SPTB: variants seen among roughly 807,000 people sequenced by gnomAD.
The protein encoded by SPTB is spectrin beta chain, erythrocytic.
Under a neutral mutation model 256.2 loss-of-function variants are expected in SPTB, and 45 were observed. The ratio of observed to expected loss-of-function variants is 0.18; its 90% confidence interval spans 0.14 to 0.23. SPTB has a LOEUF of 0.23. Among genes scored for constraint, SPTB ranks in the 10% least tolerant of loss-of-function variants. The probability of loss-of-function intolerance (pLI) is 1.00; values close to 1 mark genes in which losing one functional copy is unlikely to be tolerated. For missense variants in SPTB, 2,715 were observed against 3,040.4 expected (o/e 0.89, Z 2.52); for synonymous variants, 1,231 against 1,243.1 (o/e 0.99, Z 0.21).
chr14:64,776,629 A>G (rs1038788477), intron 22 of SPTB, among the ~76,000 whole-genome samples: 2 of 152,088 alleles, frequency 1.3e-5, no homozygotes, highest in African/African-American at 4.8e-5. Flanking sequence ...TTTTGTAGAG[A>G]TGGGCTTTTG....
At chr14:64,800,643 G>A (rs1236364305) in intron 8 of SPTB, 113 bp downstream of exon 8, 1 of 898,716 alleles carries the variant, frequency 1.1e-6, no homozygotes, top group East Asian at 2.6e-5. Flanking sequence ...AGAGGAAGTT[G>A]GGGGGTGGGT....
At chr14:64,865,745 G>A (rs1882144824) in intron 1 of SPTB, among the ~76,000 whole-genome samples, 1 of 152,196 alleles carries the variant, frequency 6.6e-6, no homozygotes, top group African/African-American at 2.4e-5. Context: ...AAATGACCCA[G>A]TTTGCCCTCA....
At chr14:64,822,367 C>CTGAGG (rs2083304861) in intron 2 of SPTB, among the ~76,000 whole-genome samples, 2 of 127,552 alleles carry the variant, frequency 1.6e-5, no homozygotes, top group Non-Finnish European at 3.5e-5. Flanking sequence ...CTCTCTCTCT[C>CTGAGG]TCTCTCTCAC....
At chr14:64,868,209 G>T (rs947505271) in intron 1 of SPTB, among the ~76,000 whole-genome samples, 1 of 152,044 alleles carries the variant, frequency 6.6e-6, no homozygotes, top group African/African-American at 2.4e-5. Context: ...AAGGCCTAAA[G>T]GCCAATTATT....
Position 64,787,079 on chromosome 14 carries a change from A to T in SPTB, c.2886T>A (p.Asp962Glu). The T allele has an allele frequency of 6.2e-7, 1 of 1,613,172 alleles. No individual in the cohort carries two copies. Among genetic ancestry groups the T allele is most frequent in the Non-Finnish European group, 8.5e-7 (1 of 1,179,992 alleles). ...SALRVHNYCV[D>E]CEETSKWITD... ...TGATCCACTTGCTGGTCTCCTCGCA[A>T]TCTACGCAGTAGTTGTGCACTCGGA... Residue 962 changes from aspartate to glutamate, a missense_variant, in exon 16 of 36, where the codon GAT (aspartate) becomes GAA (glutamate). Coordinates refer to ENST00000644917, the MANE Select transcript of SPTB (RefSeq NM_001355436.2).
chr14:64,810,509 G>A (rs891963035), intron 2 of SPTB, among the ~76,000 whole-genome samples: 11 of 152,072 alleles, frequency 7.2e-5, no homozygotes, highest in Admixed American at 3.3e-4. Flanking sequence ...ATGAAACGCC[G>A]TCTCTACTAA....
In SPTB at chr14:64,775,731, TGCTTCAGCAGAG is replaced by T. The variant is rs1269297587; in HGVS notation, c.4564-340_4564-329del. On this transcript the variant is annotated intron_variant, in intron 22 of 35. Coordinates refer to ENST00000644917, the MANE Select transcript of SPTB (RefSeq NM_001355436.2). This position sits in a 1 kb window ranked among gnomAD's most constrained non-coding sequence, Gnocchi z 5.0. ...CTCTTGACTGTCCCCTATCTTCCTG[TGCTTCAGCAGAG>T]CTTGATTCCTTAGGTGTATGTGTTG... Among the ~76,000 whole-genome samples the T allele has an allele frequency of 7.9e-5, 12 of 152,358 alleles. No homozygotes were observed. In the South Asian group the frequency reaches 2.3e-3, roughly 29 times the overall value.
chr14:64,859,694 GTCTCTCTCTC>G (rs139838497), intron 1 of SPTB, among the ~76,000 whole-genome samples: 6,407 of 52,874 alleles, frequency 0.12, 387 homozygotes, highest in African/African-American at 0.28. Context: ...CTCTCTCTCT[GTCTCTCTCTC>G]TCTCTCTCTC....
At chr14:64,846,240 A>G (rs1219978441) in intron 1 of SPTB, among the ~76,000 whole-genome samples, 2 of 152,228 alleles carry the variant, frequency 1.3e-5, no homozygotes, top group Non-Finnish European at 2.9e-5. Context: ...CCAGAAGTAG[A>G]GTGGACTCAT....
Position 64,749,545 on chromosome 14 carries a change from T to C in SPTB, c.6820-72A>G. 1 of 1,601,044 alleles carries C rather than the reference T, an allele frequency of 6.2e-7. No individual in the cohort carries two copies. The highest frequency in any genetic ancestry group is 1.1e-5 in the South Asian group (1 of 90,746). On this transcript the variant is annotated intron_variant, in intron 35 of 35. Coordinates refer to ENST00000644917, the MANE Select transcript of SPTB (RefSeq NM_001355436.2). The surrounding 1 kb of genome is among the most constrained non-coding windows in gnomAD (Gnocchi z 4.7). Reference sequence around the variant, plus strand: ...CACCTCCCGGGCCAGGCAACAATGGTGGGGGCTCTTGGGACTGCCCCTTCT... The same window carrying C: ...CACCTCCCGGGCCAGGCAACAATGGCGGGGGCTCTTGGGACTGCCCCTTCT...
In SPTB at chr14:64,826,126, C is replaced by A. The variant is rs1320645587; in HGVS notation, c.-51-2981G>T. On this transcript the variant is annotated intron_variant, in intron 1 of 35. Transcript: ENST00000644917. This position sits in a 1 kb window ranked among gnomAD's most constrained non-coding sequence, Gnocchi z 4.4. ...AGGCCCTGCCCAGATGGCATTCCATCAGAGTCAAGGGGGTCATGGGATGGG... is the reference window on the plus strand; with the variant it reads ...AGGCCCTGCCCAGATGGCATTCCATAAGAGTCAAGGGGGTCATGGGATGGG... Among the ~76,000 whole-genome samples, 1 of 152,238 alleles carries A rather than the reference C, an allele frequency of 6.6e-6. No homozygotes were observed. Among genetic ancestry groups the A allele is most frequent in the Non-Finnish European group, 1.5e-5 (1 of 68,042 alleles).
At chr14:64,751,927 C>CAAAAAAAAAAAAAAAAAAAAAAAAAAA (rs374561563) in intron 33 of SPTB, among the ~76,000 whole-genome samples, 3 of 71,950 alleles carry the variant, frequency 4.2e-5, no homozygotes, top group African/African-American at 1.1e-4. Context: ...ACTAAAAATG[C>CAAAAAAAAAAAAAAAAAAAAAAAAAAA]AAAAAAAAAA....
rs1320581693 is a variant in SPTB, at chr14:64,748,881, A to AGACTT, written c.*420_*424dup. On this transcript the variant is annotated 3_prime_UTR_variant, in exon 36 of 36. Coordinates refer to ENST00000644917, the MANE Select transcript of SPTB (RefSeq NM_001355436.2). ...ACCAGGTGGGAGGTGACCCGAAGCA[A>AGACTT]GACTTGCTTTAGGAACGGGCAGCGT... The AGACTT allele has an allele frequency of 1.2e-5, 2 of 171,834 alleles. No homozygotes were observed. The highest frequency in any genetic ancestry group is 1.8e-4 in the East Asian group (1 of 5,526). The allele number at this position is 171,834 out of a possible 1,614,324, so 10.6% of individuals were successfully genotyped here. A position where few individuals can be genotyped will look rare whatever the true frequency, so the allele number is the denominator to read the frequency against.
intron 2 of SPTB, among the ~76,000 whole-genome samples, chr14:64,808,656 T>C (rs763069368): frequency 1.3e-5 from 2 of 152,014 alleles, no homozygotes; most frequent in Non-Finnish European, 2.9e-5. Flanking sequence ...TGCAGGGGCG[T>C]TGGGCAGCTC....
At chr14:64,846,608 A>G (rs975947804) in intron 1 of SPTB, among the ~76,000 whole-genome samples, 2 of 152,264 alleles carry the variant, frequency 1.3e-5, no homozygotes, top group South Asian at 4.1e-4. Context: ...TCATGGCAGC[A>G]TACTGTGGGC....
rs148980873 is a variant in SPTB, at chr14:64,789,262, G to T, written c.2805-2102C>A. On this transcript the variant is annotated intron_variant, in intron 15 of 35. Coordinates refer to ENST00000644917, the MANE Select transcript of SPTB (RefSeq NM_001355436.2). ...AGCTACACAGGAGACTGAGATGGGA[G>T]AATCACTTGAGCCTGGGAGGCTGAG... Among the ~76,000 whole-genome samples, 1,050 of 152,208 alleles carry T rather than the reference G, an allele frequency of 6.9e-3. 13 individuals carry two copies. The highest frequency in any genetic ancestry group is 0.024 in the African/African-American group (990 of 41,518).
chr14:64,828,474 T>C (rs944282117), intron 1 of SPTB, among the ~76,000 whole-genome samples: 1 of 152,150 alleles, frequency 6.6e-6, no homozygotes, highest in Non-Finnish European at 1.5e-5. Flanking sequence ...TGGGAACCAT[T>C]AAAGGAGAGG....
chr14:64,855,685 T>C (rs960095102), intron 1 of SPTB, among the ~76,000 whole-genome samples: 43 of 152,306 alleles, frequency 2.8e-4, no homozygotes, highest in African/African-American at 9.6e-4. Context: ...ATTCCTCTTG[T>C]TGATATTGGA....
Position 64,807,155 on chromosome 14 carries a change from C to T in SPTB, c.149-2065G>A, listed in dbSNP as rs1249452257. ...CCAGATCTATTCTTTAAGTAGCTAACCCTTCAGGTCAGGTGTGGAGCCTCT... is the reference window on the plus strand; with the variant it reads ...CCAGATCTATTCTTTAAGTAGCTAATCCTTCAGGTCAGGTGTGGAGCCTCT... On this transcript the variant is annotated intron_variant, in intron 2 of 35. Transcript: ENST00000644917. This position sits in a 1 kb window ranked among gnomAD's most constrained non-coding sequence, Gnocchi z 4.7. Among the ~76,000 whole-genome samples the T allele has an allele frequency of 6.6e-6, 1 of 152,214 alleles. No individual in the cohort carries two copies.
Sources: allele counts gnomAD v4.1 joint callset (sites outside exome capture counted in the v4.1 genomes callset), GRCh38; gene constraint gnomAD v4.1.1; non-coding constraint Gnocchi (gnomAD v3.1); transcripts MANE v1.5; gene names NCBI Gene and HGNC (gene_info 2026-07-23, HGNC 2026-07-21).